Variants in PPP2R2B observed in about 807,000 individuals in gnomAD.
The protein encoded by PPP2R2B is protein phosphatase 2 regulatory subunit Bbeta.
Under a neutral mutation model 46.0 loss-of-function variants are expected in PPP2R2B, and 5 were observed. That is an observed-to-expected ratio of 0.11 (90% CI 0.06 to 0.23). The LOEUF is 0.23. Among genes scored for constraint, PPP2R2B ranks in the 10% least tolerant of loss-of-function variants. PPP2R2B has a pLI of 1.00. For synonymous variants in PPP2R2B, 215 were observed against 206.7 expected, an observed-to-expected ratio of 1.04 and a Z score of -0.34; for missense variants, 367 against 575.0, an observed-to-expected ratio of 0.64 and a Z score of 3.70.
chr5:146,958,311 A>G (rs1186582859), intron 1 of PPP2R2B, among the ~76,000 whole-genome samples: 1 of 152,126 alleles, frequency 6.6e-6, no homozygotes, highest in African/African-American at 2.4e-5. Flanking sequence ...TTTTCACACC[A>G]AAGCCTTCAA....
chr5:146,773,712 T>C (rs1327602195), intron 2 of PPP2R2B, among the ~76,000 whole-genome samples: 19 of 152,216 alleles, frequency 1.2e-4, no homozygotes, highest in Admixed American at 1.2e-3. Flanking sequence ...TTTTTCTGCA[T>C]GTTTAAATTA....
intron 1 of PPP2R2B, among the ~76,000 whole-genome samples, chr5:147,049,797 G>A (rs1215933879): frequency 6.6e-6 from 1 of 152,198 alleles, no homozygotes; most frequent in African/African-American, 2.4e-5. Context: ...CAATGTGGTG[G>A]TCATTGTTGA....
chr5:146,645,527 T>C (rs1838336), intron 6 of PPP2R2B, among the ~76,000 whole-genome samples: 120,042 of 152,086 alleles, frequency 0.79, 47,888 homozygotes, highest in Admixed American at 0.84. Context: ...GACCCCACAG[T>C]TCCCCTGGAA....
At chr5:146,931,177 GC>G in intron 1 of PPP2R2B, among the ~76,000 whole-genome samples, 1 of 152,236 alleles carries the variant, frequency 6.6e-6, no homozygotes, top group South Asian at 2.1e-4. Context: ...TGTAACGCAA[GC>G]CAGAACCTTC....
intron 5 of PPP2R2B, among the ~76,000 whole-genome samples, chr5:146,659,695 C>T (rs372383737): frequency 2.6e-5 from 4 of 152,118 alleles, no homozygotes; most frequent in Non-Finnish European, 5.9e-5. Context: ...AGATCATTGT[C>T]ATTTTATGGA....
At chr5:146,894,400 T>G (rs910974512) in intron 1 of PPP2R2B, among the ~76,000 whole-genome samples, 1 of 152,190 alleles carries the variant, frequency 6.6e-6, no homozygotes, top group Admixed American at 6.5e-5. Flanking sequence ...CCTATTGTGA[T>G]TTATAGGCCT....
intron 2 of PPP2R2B, among the ~76,000 whole-genome samples, chr5:146,741,034 T>TC (rs1752845318): frequency 3.4e-5 from 2 of 58,482 alleles, no homozygotes; most frequent in Non-Finnish European, 8.3e-5. Context: ...AGACTCCGTC[T>TC]CAAAAAAAAA....
intron 2 of PPP2R2B, among the ~76,000 whole-genome samples, chr5:146,732,243 G>T (rs572174579): frequency 1.3e-5 from 2 of 152,304 alleles, no homozygotes; most frequent in South Asian, 4.1e-4. Context: ...AACTTCTTTT[G>T]ACCACAAGAG....
chr5:146,826,181 C>G (rs1401841516), intron 2 of PPP2R2B, among the ~76,000 whole-genome samples: 4 of 152,132 alleles, frequency 2.6e-5, no homozygotes, highest in Admixed American at 1.3e-4. Flanking sequence ...AATCTGAACA[C>G]ATTCTCTTTA....
chr5:146,923,576 G>C (rs967142290), intron 1 of PPP2R2B, among the ~76,000 whole-genome samples: 2 of 152,098 alleles, frequency 1.3e-5, no homozygotes, highest in Non-Finnish European at 1.5e-5. Flanking sequence ...GCCCTTCTTG[G>C]GTTTCACAAA....
At chr5:146,835,746 G>T (rs1351057212) in intron 2 of PPP2R2B, among the ~76,000 whole-genome samples, 3 of 152,130 alleles carry the variant, frequency 2.0e-5, no homozygotes, top group African/African-American at 7.2e-5. Context: ...ACACTGTACT[G>T]TACAGATATC....
intron 2 of PPP2R2B, among the ~76,000 whole-genome samples, chr5:146,710,326 C>T (rs945838257): frequency 6.6e-6 from 1 of 152,186 alleles, no homozygotes; most frequent in African/African-American, 2.4e-5. Flanking sequence ...GTAATGAATG[C>T]CATGCTGTTC....
At chr5:147,010,057 C>G (rs928570010) in intron 1 of PPP2R2B, among the ~76,000 whole-genome samples, 1 of 152,128 alleles carries the variant, frequency 6.6e-6, no homozygotes, top group Non-Finnish European at 1.5e-5. Flanking sequence ...CTCATAAATA[C>G]ACACTTTACA....
At chr5:146,782,684 G>T (rs566336371) in intron 2 of PPP2R2B, among the ~76,000 whole-genome samples, 2 of 152,112 alleles carry the variant, frequency 1.3e-5, no homozygotes, top group South Asian at 2.1e-4. Context: ...TTTTTTTAAA[G>T]AGTTGATCCA....
In PPP2R2B at chr5:146,589,455, A is replaced by C. The variant is rs1448886454; in HGVS notation, c.*492T>G. On this transcript the variant is annotated 3_prime_UTR_variant, in exon 10 of 10. Coordinates refer to ENST00000394411, the MANE Select transcript of PPP2R2B (RefSeq NM_181675.4). ...TGGAAAATGGAAAAAAAAATGGTGG[A>C]GGGGCAGGAGATACTGACTAGTTCT... 1 of 153,704 alleles carries C rather than the reference A, an allele frequency of 6.5e-6. No individual in the cohort carries two copies. The highest frequency in any genetic ancestry group is 1.5e-5 in the Non-Finnish European group (1 of 68,844). The allele number at this position is 153,704 out of a possible 1,614,324, so 9.5% of individuals were successfully genotyped here.
At position 146,589,711 on chromosome 5, in the gene PPP2R2B, T is replaced by C; in HGVS notation, c.*236A>G. The C allele has an allele frequency of 2.0e-6, 1 of 499,632 alleles. No individual in the cohort carries two copies. Among genetic ancestry groups the C allele is most frequent in the Non-Finnish European group, 3.5e-6 (1 of 282,784 alleles). The allele number at this position is 499,632 out of a possible 1,614,324, so 30.9% of individuals were successfully genotyped here. ...GAAGTTCAAGTCAACTATGGAAGAA[T>C]TACTGTTAGCTGGCAGCTTTCAATT... On this transcript the variant is annotated 3_prime_UTR_variant, in exon 10 of 10. Transcript: ENST00000394411.
chr5:146,700,534 G>A (rs1581907029), intron 3 of PPP2R2B, among the ~76,000 whole-genome samples: 1 of 152,148 alleles, frequency 6.6e-6, no homozygotes, highest in East Asian at 1.9e-4. Flanking sequence ...CAGTGATACT[G>A]TGATGTGTGT....
intron 2 of PPP2R2B, among the ~76,000 whole-genome samples, chr5:146,862,366 A>G (rs924745617): frequency 2.6e-5 from 4 of 152,236 alleles, no homozygotes; most frequent in African/African-American, 9.6e-5. Context: ...AGATGTGGTC[A>G]CTGCCTTCTT....
chr5:147,059,286 T>C (rs1328771415), upstream of PPP2R2B, among the ~76,000 whole-genome samples: 1 of 152,162 alleles, frequency 6.6e-6, no homozygotes, highest in African/African-American at 2.4e-5. Flanking sequence ...AAGTCAATGT[T>C]ACAGATCCAT....
Sources: allele counts gnomAD v4.1 joint callset (sites outside exome capture counted in the v4.1 genomes callset), GRCh38; gene constraint gnomAD v4.1.1; transcripts MANE v1.5; gene names NCBI Gene and HGNC (gene_info 2026-07-23, HGNC 2026-07-21).